SLC22A3: variants seen among roughly 807,000 people sequenced by gnomAD.
SLC22A3 encodes the protein solute carrier family 22 member 3.
A neutral mutation model predicts 59.1 loss-of-function variants in SLC22A3; 51 were observed. The ratio of observed to expected loss-of-function variants is 0.86; its 90% CI spans 0.69 to 1.09. The LOEUF is 1.09. SLC22A3 is among the 50% of genes least tolerant of loss of function. SLC22A3 has a pLI of 0.00. For missense variants in SLC22A3, 711 were observed against 726.3 expected (o/e 0.98, Z 0.24); for synonymous variants, 325 against 292.0 (o/e 1.11, Z -1.15).
At chr6:160,434,020 TC>T (rs2114909517) in intron 5 of SLC22A3, among the ~76,000 whole-genome samples, 1 of 152,318 alleles carries the variant, frequency 6.6e-6, no homozygotes, top group South Asian at 2.1e-4. Context: ...AGGGATCCTG[TC>T]AGGGAATCCC....
chr6:160,358,656 C>A (rs1784919243), intron 1 of SLC22A3, among the ~76,000 whole-genome samples: 1 of 152,200 alleles, frequency 6.6e-6, no homozygotes, highest in African/African-American at 2.4e-5. Context: ...CCGGGTGGCT[C>A]TGGGGACAAA....
In SLC22A3 at chr6:160,393,827, A is replaced by G. The variant is rs553029114; in HGVS notation, c.430-4152A>G. On this transcript the variant is annotated intron_variant, in intron 1 of 10. Coordinates refer to ENST00000275300, the MANE Select transcript of SLC22A3 (RefSeq NM_021977.4). ...TTACTTGCCCCAGCATTTCATCATTACAACTCAAATTAACATAATGTCTGT... is the reference window on the plus strand; with the variant it reads ...TTACTTGCCCCAGCATTTCATCATTGCAACTCAAATTAACATAATGTCTGT... Among the ~76,000 whole-genome samples the G allele has an allele frequency of 2.0e-5, 3 of 152,382 alleles. No individual in the cohort carries two copies. The East Asian group carries it at 5.8e-4, about 29-fold the overall frequency.
intron 10 of SLC22A3, among the ~76,000 whole-genome samples, chr6:160,449,821 C>T (rs761260588): frequency 3.9e-5 from 6 of 152,068 alleles, no homozygotes; most frequent in East Asian, 1.9e-4. Context: ...CATCACATAT[C>T]GGTAGGACTG....
intron 1 of SLC22A3, among the ~76,000 whole-genome samples, chr6:160,354,727 CG>C (rs2114738177): frequency 6.6e-6 from 1 of 152,198 alleles, no homozygotes; most frequent in South Asian, 2.1e-4. Flanking sequence ...CCCAGGAGGT[CG>C]AACTGTGCTG....
intron 1 of SLC22A3, among the ~76,000 whole-genome samples, chr6:160,363,011 C>T (rs1785073094): frequency 6.6e-6 from 1 of 152,166 alleles, no homozygotes; most frequent in Non-Finnish European, 1.5e-5. Flanking sequence ...CCGGAGCCCG[C>T]CGAGAGCTGA....
rs1231413814 is a variant in SLC22A3 at position 160,437,314 on chromosome 6, A to T, written c.1288+103A>T. 39 of 1,182,862 alleles carry T rather than the reference A, an allele frequency of 3.3e-5. No individual in the cohort carries two copies. In the South Asian group the frequency reaches 4.2e-4, roughly 13 times the overall value. The allele number at this position is 1,182,862 out of a possible 1,614,324, so 73.3% of individuals were successfully genotyped here. Reference sequence around the variant, plus strand: ...TTGTTCTTAGGAAATGTGCAATGGAATCACAGTCTTTCGTGATGTCACTCC... The same window carrying T: ...TTGTTCTTAGGAAATGTGCAATGGATTCACAGTCTTTCGTGATGTCACTCC... On this transcript the variant is annotated intron_variant, in intron 7 of 10. Transcript: ENST00000275300.
At chr6:160,398,224 A>G in intron 2 of SLC22A3, 142 bp downstream of exon 2, 1 of 657,082 alleles carries the variant, frequency 1.5e-6, no homozygotes, top group Non-Finnish European at 2.8e-6. Flanking sequence ...CATGACATCC[A>G]CACTTGGTTG....
intron 5 of SLC22A3, among the ~76,000 whole-genome samples, chr6:160,424,224 ACC>A (rs1787866388): frequency 6.6e-6 from 1 of 152,184 alleles, no homozygotes; most frequent in Non-Finnish European, 1.5e-5. Flanking sequence ...ACCATTAGCA[ACC>A]AAGCCTTGTC....
intron 1 of SLC22A3, among the ~76,000 whole-genome samples, chr6:160,362,971 A>G (rs1785070496): frequency 6.6e-6 from 1 of 152,214 alleles, no homozygotes; most frequent in Non-Finnish European, 1.5e-5. Context: ...TTGGGCCGAC[A>G]GAGTTGTCTC....
At chr6:160,364,296 T>C (rs1233747264) in intron 1 of SLC22A3, among the ~76,000 whole-genome samples, 2 of 152,212 alleles carry the variant, frequency 1.3e-5, no homozygotes, top group African/African-American at 4.8e-5. Context: ...ATAGGGGCCC[T>C]AAAGGTGAGA....
chr6:160,408,329 T>C (rs1159736130), intron 3 of SLC22A3, among the ~76,000 whole-genome samples: 1 of 152,228 alleles, frequency 6.6e-6, no homozygotes, highest in African/African-American at 2.4e-5. Flanking sequence ...TTATAATGAA[T>C]CTTCTAAGGA....
At chr6:160,364,763 G>A (rs1246951744) in intron 1 of SLC22A3, among the ~76,000 whole-genome samples, 3 of 152,140 alleles carry the variant, frequency 2.0e-5, no homozygotes, top group Non-Finnish European at 4.4e-5. Context: ...TGTAACAAAA[G>A]GACTCCATCG....
chr6:160,411,240 A>G (rs1274539300), intron 5 of SLC22A3, among the ~76,000 whole-genome samples: 2 of 152,162 alleles, frequency 1.3e-5, no homozygotes, highest in East Asian at 3.9e-4. Context: ...TACAAACTGT[A>G]AAACTTTTTT....
rs539878884 is a variant in SLC22A3 at position 160,384,824 on chromosome 6, TG to T, written c.430-13154del. 9.2e-5 allele frequency among the ~76,000 whole-genome samples: 14 copies of T among 152,294 alleles called. No individual in the cohort carries two copies. The South Asian group carries it at 2.7e-3, about 29-fold the overall frequency. On this transcript the variant is annotated intron_variant, in intron 1 of 10. Coordinates refer to ENST00000275300, the MANE Select transcript of SLC22A3 (RefSeq NM_021977.4). ...CCATCTCCACATGATGGACTTTATC[TG>T]TGTGCCTCATCATGTCTCCACTCAC...
At chr6:160,355,970 G>A (rs536524443) in intron 1 of SLC22A3, among the ~76,000 whole-genome samples, 2 of 152,264 alleles carry the variant, frequency 1.3e-5, no homozygotes, top group South Asian at 4.1e-4. Flanking sequence ...AGACTCTGAG[G>A]TGCTGGAGGG....
At chr6:160,445,126 C>T (rs1419496467) in intron 9 of SLC22A3, among the ~76,000 whole-genome samples, 1 of 152,220 alleles carries the variant, frequency 6.6e-6, no homozygotes, top group Non-Finnish European at 1.5e-5. Context: ...TCAGCGACAA[C>T]AGAATGTGAT....
At chr6:160,366,153 C>G (rs1321249352) in intron 1 of SLC22A3, among the ~76,000 whole-genome samples, 1 of 152,178 alleles carries the variant, frequency 6.6e-6, no homozygotes, top group Non-Finnish European at 1.5e-5. Context: ...TCATGCCTTC[C>G]CAACAGTCCC....
intron 7 of SLC22A3, 57 bp downstream of exon 7, chr6:160,437,268 C>A: frequency 6.5e-7 from 1 of 1,543,850 alleles, no homozygotes; most frequent in Non-Finnish European, 8.9e-7. Flanking sequence ...CCTAAATCCA[C>A]AATCAAGTAT....
In SLC22A3 at chr6:160,451,133, A is replaced by G. The variant is rs781692293; in HGVS notation, c.*77A>G. ...GCAAAGCTGTGCCTTGCAGAGATGC[A>G]CGTGTGCATTTCAGCTACATCATGC... On this transcript the variant is annotated 3_prime_UTR_variant, in exon 11 of 11. Coordinates refer to ENST00000275300, the MANE Select transcript of SLC22A3 (RefSeq NM_021977.4). 5 of 1,344,538 alleles carry G rather than the reference A, an allele frequency of 3.7e-6. No individual in the cohort carries two copies. Among genetic ancestry groups the G allele is most frequent in the Non-Finnish European group, 5.2e-6 (5 of 954,732 alleles). The allele number at this position is 1,344,538 out of a possible 1,614,324, so 83.3% of individuals were successfully genotyped here.
Sources: allele counts gnomAD v4.1 joint callset (sites outside exome capture counted in the v4.1 genomes callset), GRCh38; gene constraint gnomAD v4.1.1; transcripts MANE v1.5; gene names NCBI Gene and HGNC (gene_info 2026-07-23, HGNC 2026-07-21).